The following FBXO21 variants were observed in gnomAD, a reference collection of about 807,000 sequenced individuals.
The protein encoded by FBXO21 is F-box only protein 21.
Under a neutral mutation model 76.6 loss-of-function variants are expected in FBXO21, and 32 were observed. That is an observed-to-expected ratio of 0.42 (90% CI 0.32 to 0.56). The LOEUF is 0.56. Among genes scored for constraint, FBXO21 ranks in the 20% least tolerant of loss-of-function variants. The pLI is 0.16. For synonymous variants in FBXO21, 328 were observed against 311.5 expected (o/e 1.05, Z -0.56); for missense variants, 586 against 797.3 (o/e 0.73, Z 3.19).
rs2135888821 is a variant in FBXO21 at position 117,186,633 on chromosome 12, A to G, written c.376-62T>C. ...GAGTATTGATGCAACTCTCACTCTC[A>G]CAAATTTGAGCTGAAATAAAGATGT... is the stretch of plus-strand genomic sequence containing the variant. On this transcript the variant is annotated intron_variant, in intron 2 of 11. Transcript: ENST00000622495. 4 of 1,073,102 alleles carry G rather than the reference A, an allele frequency of 3.7e-6. No homozygotes were observed. In the East Asian group the frequency reaches 9.4e-5, roughly 25 times the overall value. The allele number at this position is 1,073,102 out of a possible 1,614,324, so 66.5% of individuals were successfully genotyped here.
At position 117,147,307 on chromosome 12, in the gene FBXO21, A is replaced by G. The variant is rs757676330; in HGVS notation, c.1676-1030T>C. The stretch of plus-strand genomic sequence containing the variant: ...AAAAAATGGAAAAAAAAAAAAAAAA[A>G]GAAAAAAAAAAGGGCCAGGTGCAGT... On this transcript the variant is annotated intron_variant, in intron 11 of 11. Coordinates refer to ENST00000622495, the MANE Select transcript of FBXO21 (RefSeq NM_015002.3). 6.9e-4 allele frequency among the ~76,000 whole-genome samples: 67 copies of G among 97,126 alleles called. 1 individual carries two copies. Among genetic ancestry groups the G allele is most frequent in the South Asian group, 1.9e-3 (4 of 2,138 alleles). The allele number at this position is 97,126 out of a possible 152,430, so 63.7% of individuals were successfully genotyped here. A position where few individuals can be genotyped will look rare whatever the true frequency, so the allele number is the denominator to read the frequency against.
In FBXO21 at chr12:117,174,682, G is replaced by A. The variant is rs781041422; in HGVS notation, c.708C>T (p.Asn236=). The A allele has an allele frequency of 1.2e-6, 2 of 1,614,188 alleles. No homozygotes were observed. Among genetic ancestry groups the A allele is most frequent in the Non-Finnish European group, 1.7e-6 (2 of 1,180,032 alleles). ...TGAAGGCCAAGCTGGGGTGGCGACT[G>A]TTTATGCCCCGAAGGGTTTTGCAAA... ...ELVCKTLRGI[N]SRHPSLAFKA... is the part of the protein sequence containing the mutation. Residue 236 remains asparagine (N), a synonymous_variant, in exon 5 of 12, where the codon AAC becomes AAT. Coordinates refer to ENST00000622495, the MANE Select transcript of FBXO21 (RefSeq NM_015002.3).
chr12:117,177,877 T>C (rs1056142729), intron 3 of FBXO21, among the ~76,000 whole-genome samples: 5 of 152,200 alleles, frequency 3.3e-5, no homozygotes, highest in Admixed American at 1.3e-4. Flanking sequence ...CCTGTATCTT[T>C]CATAAAAGGA....
chr12:117,184,396 T>C (rs1405961144), intron 3 of FBXO21, among the ~76,000 whole-genome samples: 1 of 152,124 alleles, frequency 6.6e-6, no homozygotes, highest in African/African-American at 2.4e-5. Flanking sequence ...AGGACTCTAC[T>C]GCCTAGAAAC....
intron 9 of FBXO21, among the ~76,000 whole-genome samples, 169 bp downstream of exon 9, chr12:117,165,316 T>C (rs1452807120): frequency 1.3e-5 from 2 of 152,070 alleles, no homozygotes; most frequent in Non-Finnish European, 2.9e-5. Flanking sequence ...CCAATTTTCC[T>C]TAGAATAAGA....
Position 117,163,168 on chromosome 12 carries a change from C to T in FBXO21, c.1326+2317G>A, listed in dbSNP as rs75131189. Reference sequence around the variant, plus strand: ...ACTCCAGCAGCAAATGTCAAGATTTCCCCCTAAAAGGGGATGTTAATAGCA... The same window carrying T: ...ACTCCAGCAGCAAATGTCAAGATTTTCCCCTAAAAGGGGATGTTAATAGCA... On this transcript the variant is annotated intron_variant, in intron 9 of 11. Coordinates refer to ENST00000622495, the MANE Select transcript of FBXO21 (RefSeq NM_015002.3). 1.9e-3 allele frequency among the ~76,000 whole-genome samples: 286 copies of T among 152,346 alleles called. 1 individual carries two copies. Among genetic ancestry groups the T allele is most frequent in the African/African-American group, 6.6e-3 (275 of 41,572 alleles).
chr12:117,146,824 G>A (rs1012605249), intron 11 of FBXO21, among the ~76,000 whole-genome samples: 15 of 152,146 alleles, frequency 9.9e-5, no homozygotes, highest in Admixed American at 8.5e-4. Flanking sequence ...CTGTGAGACC[G>A]TGGGATGAAA....
chr12:117,172,885 C>A (rs1336646347), intron 6 of FBXO21, among the ~76,000 whole-genome samples: 1 of 152,170 alleles, frequency 6.6e-6, no homozygotes, highest in South Asian at 2.1e-4. Context: ...ATGAAAGTAA[C>A]ATGAAACTCA....
intron 7 of FBXO21, among the ~76,000 whole-genome samples, chr12:117,168,650 A>G (rs1023230182): frequency 2.6e-5 from 4 of 152,240 alleles, no homozygotes; most frequent in Non-Finnish European, 2.9e-5. Context: ...CTTCCTAAGG[A>G]CAAATGTACA....
chr12:117,161,204 G>C (rs1357083874), intron 9 of FBXO21, among the ~76,000 whole-genome samples: 1 of 152,126 alleles, frequency 6.6e-6, no homozygotes, highest in Non-Finnish European at 1.5e-5. Context: ...AGTCTAAGCT[G>C]ACAGCTGGGC....
At chr12:117,149,974 G>A (rs1253151125) in intron 11 of FBXO21, among the ~76,000 whole-genome samples, 1 of 152,174 alleles carries the variant, frequency 6.6e-6, no homozygotes, top group Non-Finnish European at 1.5e-5. Flanking sequence ...GACAGTCCTC[G>A]AGGGTGCTCC....
intron 11 of FBXO21, among the ~76,000 whole-genome samples, chr12:117,146,497 AC>A (rs1955771927): frequency 1.3e-5 from 2 of 152,202 alleles, no homozygotes; most frequent in Non-Finnish European, 2.9e-5. Context: ...AGAGCTCCCC[AC>A]GGAACAGCAG....
chr12:117,149,741 C>T (rs1158038515), intron 11 of FBXO21, among the ~76,000 whole-genome samples: 13 of 152,236 alleles, frequency 8.5e-5, no homozygotes. Context: ...GTTCCCTTCT[C>T]CTCCACTTTT....
rs1174335542 is a variant in FBXO21, at chr12:117,174,274, A to G, written c.807T>C (p.Leu269=). The change falls in exon 6 of 12, where the codon CTT becomes CTC. Residue 269 remains leucine (L), a synonymous_variant. Coordinates refer to ENST00000622495, the MANE Select transcript of FBXO21 (RefSeq NM_015002.3). ...SQVLDAMNYV[L]YDQLKFKGNR... ...TCCCCTTGAACTTCAGTTGGTCGTAAAGGACATAGTTCATGGCATCCAGCA... is the reference window on the plus strand; with the variant it reads ...TCCCCTTGAACTTCAGTTGGTCGTAGAGGACATAGTTCATGGCATCCAGCA... 4 of 1,613,634 alleles carry G rather than the reference A, an allele frequency of 2.5e-6. No individual in the cohort carries two copies. Among genetic ancestry groups the G allele is most frequent in the Admixed American group, 1.7e-5 (1 of 59,996 alleles).
chr12:117,174,854 T>C, intron 4 of FBXO21, 57 bp from the exon 5 acceptor site: 1 of 1,576,526 alleles, frequency 6.3e-7, no homozygotes, highest in Non-Finnish European at 8.7e-7. Flanking sequence ...TCTTATTAGT[T>C]TGCAATTTTA....
At chr12:117,160,249 C>T (rs1955962306) in intron 9 of FBXO21, among the ~76,000 whole-genome samples, 1 of 152,144 alleles carries the variant, frequency 6.6e-6, no homozygotes, top group South Asian at 2.1e-4. Context: ...AACTTATTCA[C>T]AAAAACAGGC....
intron 3 of FBXO21, among the ~76,000 whole-genome samples, chr12:117,183,314 G>A (rs887659055): frequency 5.3e-5 from 8 of 151,480 alleles, no homozygotes; most frequent in African/African-American, 1.5e-4. Context: ...GCAATGGCGC[G>A]ATCTCGGCTC....
chr12:117,150,838 CCA>C (rs1436082703), intron 11 of FBXO21, among the ~76,000 whole-genome samples: 1 of 149,024 alleles, frequency 6.7e-6, no homozygotes, highest in African/African-American at 2.5e-5. Flanking sequence ...ATTCACCTCA[CCA>C]CACTTGCCAG....
intron 2 of FBXO21, among the ~76,000 whole-genome samples, chr12:117,187,601 C>A (rs551349328): frequency 1.3e-5 from 2 of 152,254 alleles, no homozygotes; most frequent in South Asian, 4.1e-4. Context: ...GTTAAGTATG[C>A]TCCCGCTGTG....
Sources: gnomAD v4.1 joint callset for allele counts (sites outside exome capture counted in the v4.1 genomes callset) on GRCh38, gnomAD v4.1.1 for gene constraint, MANE v1.5 for transcripts, NCBI Gene and HGNC (gene_info 2026-07-23, HGNC 2026-07-21) for gene names.